Variants in PKP4 observed in about 807,000 individuals in gnomAD.
The protein encoded by PKP4 is plakophilin-4.
A neutral mutation model predicts 145.1 loss-of-function variants in PKP4; 90 were observed. The ratio of observed to expected loss-of-function variants is 0.62; its 90% CI spans 0.52 to 0.74. The LOEUF (loss-of-function observed/expected upper bound fraction) is 0.74. Among genes scored for constraint, PKP4 ranks in the 30% least tolerant of loss-of-function variants. PKP4 has a pLI of 0.00. For missense variants in PKP4, 1,340 were observed against 1,482.7 expected (o/e 0.90, Z 1.58); for synonymous variants, 563 against 577.2 (o/e 0.98, Z 0.35).
At position 158,662,882 on chromosome 2, in the gene PKP4, C is replaced by G; in HGVS notation, c.2212-15C>G. ...TGCCGAGTTGTTTTTAATTATACGCCATGCTGGGTTTCAGACGGTGGAGAA... is the reference window on the plus strand; with the variant it reads ...TGCCGAGTTGTTTTTAATTATACGCGATGCTGGGTTTCAGACGGTGGAGAA... On this transcript the variant is annotated splice_polypyrimidine_tract_variant and intron_variant, in intron 13 of 21. Coordinates refer to ENST00000389759, the MANE Select transcript of PKP4 (RefSeq NM_003628.6). The G allele has an allele frequency of 6.3e-7, 1 of 1,582,348 alleles. No individual in the cohort carries two copies. The highest frequency in any genetic ancestry group is 8.6e-7 in the Non-Finnish European group (1 of 1,164,700).
chr2:158,610,239 T>G (rs181735992), intron 4 of PKP4, among the ~76,000 whole-genome samples: 50 of 152,308 alleles, frequency 3.3e-4, no homozygotes, highest in Admixed American at 8.5e-4. Flanking sequence ...TCCGAGGGAA[T>G]GTTATGTTAG....
At chr2:158,669,169 C>T (rs1018959177) in intron 16 of PKP4, 1 of 152,234 alleles carries the variant, frequency 6.6e-6, no homozygotes, top group Admixed American at 6.5e-5. Flanking sequence ...ATGTTGCCAC[C>T]GTTGTCAGAT....
chr2:158,667,373 CCT>C (rs1233130482), intron 16 of PKP4, among the ~76,000 whole-genome samples: 1 of 152,174 alleles, frequency 6.6e-6, no homozygotes, highest in Admixed American at 6.5e-5. Context: ...AAAGGCAACT[CCT>C]CATCTCTGAA....
At chr2:158,600,132 G>C (rs1206876663) in intron 3 of PKP4, among the ~76,000 whole-genome samples, 1 of 152,140 alleles carries the variant, frequency 6.6e-6, no homozygotes, top group Non-Finnish European at 1.5e-5. Flanking sequence ...GAACTGTTTT[G>C]TTAATTTGGT....
intron 2 of PKP4, among the ~76,000 whole-genome samples, chr2:158,557,889 G>C (rs1271516160): frequency 6.6e-6 from 1 of 152,192 alleles, no homozygotes; most frequent in Non-Finnish European, 1.5e-5. Context: ...TGTTCTGCAT[G>C]TGTGTACCTT....
At chr2:158,492,946 A>G (rs1695161431) in intron 1 of PKP4, among the ~76,000 whole-genome samples, 2 of 152,030 alleles carry the variant, frequency 1.3e-5, no homozygotes, top group South Asian at 4.1e-4. Context: ...CTCCCTACCT[A>G]ATAATATTTA....
rs1001025736 is a variant in PKP4, at chr2:158,496,737, ACT to A, written c.-5-36435_-5-36434del. ...CAGTCAGTGTCTCTCTTTCGCTCTC[ACT>A]CTCTCTCGCCTTCTCTCTCCGTGTG... On this transcript the variant is annotated intron_variant, in intron 1 of 21. Transcript: ENST00000389759. Among the ~76,000 whole-genome samples the A allele has an allele frequency of 9.9e-5, 12 of 121,354 alleles. 1 individual carries two copies. Among genetic ancestry groups the A allele is most frequent in the African/African-American group, 3.4e-4 (11 of 32,786 alleles). 79.6% of individuals were successfully genotyped at this position (121,354 alleles called of 152,430 possible).
chr2:158,562,743 T>C (rs769624176), intron 2 of PKP4, among the ~76,000 whole-genome samples: 145 of 152,364 alleles, frequency 9.5e-4, no homozygotes, highest in Non-Finnish European at 1.6e-3. Context: ...GATTACTCTT[T>C]CAAACTATTT....
Position 158,624,958 on chromosome 2 carries a change from AGGCGTGTCTCCTTCAAGGG to A in PKP4, c.687_705del (p.Val230LeufsTer2), listed in dbSNP as rs2052616078. On this transcript the variant is annotated frameshift_variant, in exon 7 of 22. Transcript: ENST00000389759. LOFTEE classifies it high-confidence loss of function. ...AGTCTCCTTCTTATGTTATCAGCAC[AGGCGTGTCTCCTTCAAGGG>A]GGTCTCTGAGAACTTCTCTGGGTAG... The A allele has an allele frequency of 6.2e-7, 1 of 1,613,942 alleles. No individual in the cohort carries two copies. The highest frequency in any genetic ancestry group is 1.3e-5 in the African/African-American group (1 of 74,912).
chr2:158,655,585 TC>T (rs2055831416), intron 11 of PKP4, among the ~76,000 whole-genome samples: 3 of 152,240 alleles, frequency 2.0e-5, no homozygotes, highest in Non-Finnish European at 2.9e-5. Flanking sequence ...GACTTTACTT[TC>T]CATAAACCTT....
In PKP4 at chr2:158,528,309, A is replaced by G. The variant is rs1010404185; in HGVS notation, c.-5-4871A>G. Among the ~76,000 whole-genome samples the G allele has an allele frequency of 3.4e-5, 5 of 145,970 alleles. 1 individual carries two copies. Among genetic ancestry groups the G allele is most frequent in the South Asian group, 2.3e-4 (1 of 4,262 alleles). Reference sequence around the variant, plus strand: ...ACACCATGGAATACTATGCAGCCATAAAAAATGATGATTTCATGTCCTTTG... The same window carrying G: ...ACACCATGGAATACTATGCAGCCATGAAAAATGATGATTTCATGTCCTTTG... On this transcript the variant is annotated intron_variant, in intron 1 of 21. Coordinates refer to ENST00000389759, the MANE Select transcript of PKP4 (RefSeq NM_003628.6).
chr2:158,666,648 G>A, intron 16 of PKP4, 85 bp downstream of exon 16: 3 of 1,166,168 alleles, frequency 2.6e-6, no homozygotes, highest in Non-Finnish European at 3.5e-6. Flanking sequence ...TAAATATATG[G>A]CTTGTAAAAT....
At chr2:158,638,093 C>T (rs2053965829) in intron 9 of PKP4, among the ~76,000 whole-genome samples, 1 of 152,188 alleles carries the variant, frequency 6.6e-6, no homozygotes, top group African/African-American at 2.4e-5. Context: ...GAGTAAATCA[C>T]ACTCCTTGCA....
chr2:158,496,985 CAG>C (rs771268344), intron 1 of PKP4, among the ~76,000 whole-genome samples: 4 of 152,094 alleles, frequency 2.6e-5, no homozygotes, highest in Non-Finnish European at 5.9e-5. Flanking sequence ...GTCCCACTAA[CAG>C]ATTTTTTTCT....
chr2:158,571,201 T>C (rs781155271), intron 2 of PKP4, among the ~76,000 whole-genome samples: 36 of 152,124 alleles, frequency 2.4e-4, no homozygotes, highest in Non-Finnish European at 5.1e-4. Context: ...TTGAAGTAAA[T>C]CCATGTAATG....
intron 2 of PKP4, among the ~76,000 whole-genome samples, chr2:158,544,022 G>A (rs1202834166): frequency 6.6e-6 from 1 of 152,196 alleles, no homozygotes; most frequent in Non-Finnish European, 1.5e-5. Context: ...TAAATTGATT[G>A]CTAAAGCTGT....
intron 4 of PKP4, among the ~76,000 whole-genome samples, chr2:158,617,165 C>G (rs1233283252): frequency 1.3e-5 from 2 of 152,086 alleles, no homozygotes; most frequent in Admixed American, 6.5e-5. Context: ...GTCCATGATT[C>G]CAATAATTTT....
chr2:158,616,390 G>C (rs1403411804), intron 4 of PKP4, among the ~76,000 whole-genome samples: 1 of 152,146 alleles, frequency 6.6e-6, no homozygotes, highest in South Asian at 2.1e-4. Flanking sequence ...GTGGAAAGTA[G>C]ACTCCTTCGT....
intron 1 of PKP4, among the ~76,000 whole-genome samples, chr2:158,506,160 G>C (rs941401536): frequency 6.6e-6 from 1 of 152,182 alleles, no homozygotes; most frequent in Non-Finnish European, 1.5e-5. Context: ...GATCCCAGAA[G>C]CAAGACTGTG....
Sources: allele counts gnomAD v4.1 joint callset (sites outside exome capture counted in the v4.1 genomes callset), GRCh38; gene constraint gnomAD v4.1.1; transcripts MANE v1.5; gene names NCBI Gene and HGNC (gene_info 2026-07-23, HGNC 2026-07-21).